The following FRMPD4 variants were observed in gnomAD, a reference collection of about 807,000 sequenced individuals.
The protein encoded by FRMPD4 is FERM and PDZ domain-containing protein 4.
A neutral mutation model predicts 94.1 loss-of-function variants in FRMPD4; 22 were observed. That is an observed-to-expected ratio of 0.23 (90% CI 0.17 to 0.33). The LOEUF is 0.33. Among genes scored for constraint, FRMPD4 ranks in the 10% least tolerant of loss-of-function variants. The pLI, the probability that FRMPD4 is intolerant of heterozygous loss-of-function variation, is 1.00. For missense variants in FRMPD4, 1,111 were observed against 1,339.9 expected (o/e 0.83, Z 2.67); for synonymous variants, 631 against 548.6 (o/e 1.15, Z -2.10).
intron 1 of FRMPD4, among the ~76,000 whole-genome samples, chrX:12,234,323 G>A (rs979967159): frequency 8.9e-6 from 1 of 112,082 alleles, no homozygotes; most frequent in Non-Finnish European, 1.9e-5. Context: ...TGTGTTGTGA[G>A]AGTGATAAAG....
chrX:11,965,016 C>T (rs912208244), intron 3 of FRMPD4, among the ~76,000 whole-genome samples: 7 of 112,697 alleles, frequency 6.2e-5, no homozygotes, highest in Non-Finnish European at 1.3e-4. Flanking sequence ...TTTTGCCTCC[C>T]TCTTCTAGTT....
At chrX:12,115,298 C>T (rs1018840462) in intron 3 of FRMPD4, among the ~76,000 whole-genome samples, 4 of 111,626 alleles carry the variant, frequency 3.6e-5, no homozygotes, top group African/African-American at 9.8e-5. Flanking sequence ...ATGCCTCAGC[C>T]TCCAAAGTAC....
At chrX:12,382,579 A>ATAGCATAGAGCAT (rs1569254255) in intron 1 of FRMPD4, among the ~76,000 whole-genome samples, 1 of 108,452 alleles carries the variant, frequency 9.2e-6, no homozygotes, top group Non-Finnish European at 1.9e-5. Context: ...ATAGCATAGC[A>ATAGCATAGAGCAT]AGCAATAATT....
At chrX:12,362,891 C>T (rs375637458) in intron 1 of FRMPD4, among the ~76,000 whole-genome samples, 31 of 111,774 alleles carry the variant, frequency 2.8e-4, no homozygotes, top group Middle Eastern at 4.7e-3. Context: ...TTTGAATGAT[C>T]GCCATTCTAA....
chrX:12,494,766 C>T (rs917310333), intron 1 of FRMPD4, among the ~76,000 whole-genome samples: 8 of 111,959 alleles, frequency 7.1e-5, no homozygotes, highest in African/African-American at 2.6e-4. Context: ...GCTCTCATTT[C>T]CTATCAAGTA....
intron 1 of FRMPD4, among the ~76,000 whole-genome samples, chrX:12,350,821 G>A (rs909511064): frequency 3.6e-5 from 4 of 112,456 alleles, no homozygotes; most frequent in African/African-American, 1.3e-4. Flanking sequence ...AGCAAGATGT[G>A]TGCAAAGTAG....
At chrX:12,579,231 A>C (rs995344615) in intron 2 of FRMPD4, among the ~76,000 whole-genome samples, 1 of 112,348 alleles carries the variant, frequency 8.9e-6, no homozygotes, top group Non-Finnish European at 1.9e-5. Flanking sequence ...GGTTTTTTCC[A>C]TTCTACTTTT....
At chrX:12,449,085 T>C (rs1034322741) in intron 1 of FRMPD4, among the ~76,000 whole-genome samples, 4 of 112,334 alleles carry the variant, frequency 3.6e-5, no homozygotes, top group African/African-American at 1.3e-4. Flanking sequence ...CCCATGCTAT[T>C]TGAAATTCTA....
intron 1 of FRMPD4, chrX:12,495,035 A>T (rs1474251588): frequency 1.4e-6 from 1 of 729,245 alleles, no homozygotes; most frequent in Non-Finnish European, 1.6e-6. Context: ...GGAAATGGAC[A>T]CTGTGCACCC....
Position 12,717,695 on chromosome X carries a change from A to G in FRMPD4, c.2869A>G (p.Lys957Glu). ...AEEQTEFPAS[K>E]TPAGGLPPKS... The stretch of plus-strand genomic sequence containing the variant: ...AGAGCAGACCGAGTTCCCGGCCTCC[A>G]AGACCCCCGCTGGGGGCTTGCCTCC... Residue 957 changes from lysine to glutamate, a missense_variant, in exon 16 of 17, where the codon AAG (lysine) becomes GAG (glutamate). Coordinates refer to ENST00000675598, the MANE Select transcript of FRMPD4 (RefSeq NM_001368397.1). 3 of 1,211,385 alleles carry G rather than the reference A, an allele frequency of 2.5e-6. No homozygotes were observed. The highest frequency in any genetic ancestry group is 3.4e-6 in the Non-Finnish European group (3 of 894,907).
At chrX:11,847,615 A>C (rs180889991) in intron 1 of FRMPD4, among the ~76,000 whole-genome samples, 2 of 109,121 alleles carry the variant, frequency 1.8e-5, no homozygotes, top group East Asian at 5.9e-4. Flanking sequence ...CACAATAGCA[A>C]AGACTTGGAA....
At chrX:11,909,112 G>C (rs186927614) in intron 3 of FRMPD4, among the ~76,000 whole-genome samples, 4 of 111,673 alleles carry the variant, frequency 3.6e-5, no homozygotes, top group African/African-American at 1.3e-4. Context: ...TCCTGGAAAA[G>C]TTTGTGTATA....
intron 3 of FRMPD4, among the ~76,000 whole-genome samples, chrX:12,101,279 C>T (rs2055253525): frequency 9.0e-6 from 1 of 111,403 alleles, no homozygotes; most frequent in Admixed American, 9.5e-5. Flanking sequence ...GGGAGTGTTT[C>T]TGTCGAGGGG....
intron 3 of FRMPD4, among the ~76,000 whole-genome samples, chrX:12,014,726 G>A (rs1160491780): frequency 9.0e-6 from 1 of 111,531 alleles, no homozygotes; most frequent in African/African-American, 3.3e-5. Flanking sequence ...TGTGTTTAGG[G>A]AATTTGAGGG....
chrX:12,284,416 A>C (rs951562797), intron 1 of FRMPD4, among the ~76,000 whole-genome samples: 2 of 111,327 alleles, frequency 1.8e-5, no homozygotes, highest in Non-Finnish European at 3.8e-5. Flanking sequence ...GACAAAAGGG[A>C]CTCATTCTGT....
intron 1 of FRMPD4, among the ~76,000 whole-genome samples, chrX:12,466,390 A>T (rs963977474): frequency 8.9e-6 from 1 of 112,343 alleles, no homozygotes; most frequent in African/African-American, 3.2e-5. Flanking sequence ...TGCAATGGAA[A>T]ACAAAAATGA....
chrX:12,567,076 G>GA (rs1311356323), intron 2 of FRMPD4, among the ~76,000 whole-genome samples: 6 of 107,975 alleles, frequency 5.6e-5, no homozygotes, highest in Non-Finnish European at 1.2e-4. Flanking sequence ...CTAGTGTGGG[G>GA]AAAAAAAACA....
At chrX:12,658,331 T>C (rs901328953) in intron 4 of FRMPD4, among the ~76,000 whole-genome samples, 1 of 112,042 alleles carries the variant, frequency 8.9e-6, no homozygotes, top group Non-Finnish European at 1.9e-5. Flanking sequence ...TTCTAGTCAC[T>C]GTTTATCTTT....
At chrX:12,153,580 C>T (rs2055893255) in intron 1 of FRMPD4, among the ~76,000 whole-genome samples, 1 of 112,389 alleles carries the variant, frequency 8.9e-6, no homozygotes, top group African/African-American at 3.2e-5. Context: ...ACTCCATAAA[C>T]TTTCATTTAT....
Sources: allele counts gnomAD v4.1 joint callset (sites outside exome capture counted in the v4.1 genomes callset), GRCh38; gene constraint gnomAD v4.1.1; transcripts MANE v1.5; gene names NCBI Gene and HGNC (gene_info 2026-07-23, HGNC 2026-07-21).